Variants in NTNG1 observed in about 807,000 individuals in gnomAD.
The protein encoded by NTNG1 is netrin-G1.
Under a neutral mutation model 54.0 loss-of-function variants are expected in NTNG1, and 16 were observed. The observed-to-expected ratio is 0.30, with a 90% confidence interval of 0.20 to 0.45. NTNG1 has a LOEUF of 0.45. Among genes scored for constraint, NTNG1 ranks in the 20% least tolerant of loss-of-function variants. The pLI is 1.00. For missense variants in NTNG1, 530 were observed against 678.7 expected (o/e 0.78, Z 2.43); for synonymous variants, 255 against 263.1 (o/e 0.97, Z 0.30).
intron 3 of NTNG1, among the ~76,000 whole-genome samples, chr1:107,347,216 A>G (rs996017462): frequency 2.0e-5 from 3 of 152,162 alleles, no homozygotes; most frequent in Admixed American, 6.5e-5. Context: ...TAAAGTGAGA[A>G]TAATGACTGG....
At chr1:107,189,831 A>G (rs1373695966) in intron 2 of NTNG1, among the ~76,000 whole-genome samples, 18 of 151,002 alleles carry the variant, frequency 1.2e-4, no homozygotes, top group African/African-American at 4.4e-4. Context: ...AAAAAAAAAA[A>G]AGGGGGGGGC....
chr1:107,184,187 A>G (rs563064625), intron 2 of NTNG1, among the ~76,000 whole-genome samples: 2 of 152,126 alleles, frequency 1.3e-5, no homozygotes, highest in South Asian at 4.2e-4. Flanking sequence ...GGCTCTTTGG[A>G]TGCAGTTCTC....
At chr1:107,272,439 G>T (rs1368089345) in intron 2 of NTNG1, among the ~76,000 whole-genome samples, 5 of 152,064 alleles carry the variant, frequency 3.3e-5, no homozygotes, top group Non-Finnish European at 5.9e-5. Flanking sequence ...AGAATCCTTG[G>T]TGGTTAATAA....
At chr1:107,160,494 C>T (rs188790425) in intron 2 of NTNG1, among the ~76,000 whole-genome samples, 3 of 152,180 alleles carry the variant, frequency 2.0e-5, no homozygotes, top group Admixed American at 2.0e-4. Flanking sequence ...CTACTATCAA[C>T]ATCATTTATA....
chr1:107,210,096 T>G (rs895007321), intron 2 of NTNG1, among the ~76,000 whole-genome samples: 2 of 152,054 alleles, frequency 1.3e-5, no homozygotes, highest in Non-Finnish European at 2.9e-5. Context: ...GATGGAAACG[T>G]GAACAGTGAG....
chr1:107,222,091 C>T (rs1570893415), intron 2 of NTNG1, among the ~76,000 whole-genome samples: 1 of 151,898 alleles, frequency 6.6e-6, no homozygotes, highest in East Asian at 1.9e-4. Context: ...CACCACTTGG[C>T]CAACTCCTGC....
intron 7 of NTNG1, among the ~76,000 whole-genome samples, chr1:107,448,074 C>T (rs1676410061): frequency 2.6e-5 from 4 of 152,178 alleles, no homozygotes; most frequent in South Asian, 4.1e-4. Context: ...TCTAACAGTA[C>T]CTTCCTCTTG....
chr1:107,365,277 C>T (rs1670525812), intron 3 of NTNG1, among the ~76,000 whole-genome samples: 1 of 152,004 alleles, frequency 6.6e-6, no homozygotes, highest in African/African-American at 2.4e-5. Context: ...TTTTTTCACA[C>T]CATAACTCCA....
At chr1:107,259,350 T>G (rs1458737911) in intron 2 of NTNG1, among the ~76,000 whole-genome samples, 4 of 152,072 alleles carry the variant, frequency 2.6e-5, no homozygotes, top group Non-Finnish European at 5.9e-5. Context: ...CTCGGTGCTA[T>G]AAATAACAGG....
intron 2 of NTNG1, among the ~76,000 whole-genome samples, chr1:107,268,799 C>G (rs972033679): frequency 1.3e-5 from 2 of 152,200 alleles, no homozygotes; most frequent in African/African-American, 2.4e-5. Context: ...CAACTCCATT[C>G]TGCCAATTGC....
chr1:107,290,790 C>T (rs2101761755), intron 2 of NTNG1, among the ~76,000 whole-genome samples: 1 of 150,838 alleles, frequency 6.6e-6, no homozygotes, highest in African/African-American at 2.4e-5. Context: ...CCTGTTAATA[C>T]AATAATAATA....
chr1:107,376,627 C>A (rs1341694167), intron 3 of NTNG1, among the ~76,000 whole-genome samples: 2 of 152,092 alleles, frequency 1.3e-5, no homozygotes, highest in Admixed American at 1.3e-4. Flanking sequence ...TTTACACTGG[C>A]CCTGAATTTT....
intron 2 of NTNG1, among the ~76,000 whole-genome samples, chr1:107,235,670 C>G (rs1281412111): frequency 6.6e-6 from 1 of 152,124 alleles, no homozygotes; most frequent in Non-Finnish European, 1.5e-5. Flanking sequence ...AGACTTTATC[C>G]TCAGTTAAGG....
chr1:107,470,508 A>G (rs1192415235), intron 7 of NTNG1, among the ~76,000 whole-genome samples: 1 of 152,258 alleles, frequency 6.6e-6, no homozygotes, highest in African/African-American at 2.4e-5. Context: ...AGGTATGTGT[A>G]GAGTTACATG....
intron 2 of NTNG1, among the ~76,000 whole-genome samples, chr1:107,181,959 C>A (rs1029096936): frequency 6.6e-6 from 1 of 151,982 alleles, no homozygotes; most frequent in Non-Finnish European, 1.5e-5. Flanking sequence ...TCTCAATATT[C>A]CCCTGTTTTT....
At chr1:107,251,659 C>G (rs1570960815) in intron 2 of NTNG1, among the ~76,000 whole-genome samples, 1 of 152,158 alleles carries the variant, frequency 6.6e-6, no homozygotes, top group African/African-American at 2.4e-5. Context: ...TCAGACCAGT[C>G]TCCTACAACT....
intron 2 of NTNG1, among the ~76,000 whole-genome samples, chr1:107,289,507 A>G (rs896079938): frequency 6.6e-6 from 1 of 152,114 alleles, no homozygotes; most frequent in Non-Finnish European, 1.5e-5. Flanking sequence ...TTGGAATGTC[A>G]TTCCCACCTC....
intron 7 of NTNG1, among the ~76,000 whole-genome samples, chr1:107,445,389 T>G (rs896239992): frequency 2.0e-5 from 3 of 152,142 alleles, no homozygotes; most frequent in African/African-American, 7.2e-5. Flanking sequence ...TCAGTTTACA[T>G]ATGGACTTAT....
Position 107,436,686 on chromosome 1 carries a change from G to C in NTNG1, c.1277G>C (p.Gly426Ala). 6.2e-7 allele frequency: 1 copy of C among 1,613,454 alleles called. No individual in the cohort carries two copies. Among genetic ancestry groups the C allele is most frequent in the East Asian group, 2.2e-5 (1 of 44,806 alleles). The change falls in exon 7 of 8, where the codon GGC becomes GCC. Residue 426 changes from glycine to alanine, a missense_variant. Transcript: ENST00000370068. ...VCIECYCNPL[G>A]SIHDRCNGSG... ...ACAGAGTGTTATTGTAACCCTTTGG[G>C]CTCAATCCATGATCGTTGTAATGGC...
Sources: gnomAD v4.1 joint callset for allele counts (sites outside exome capture counted in the v4.1 genomes callset) on GRCh38, gnomAD v4.1.1 for gene constraint, MANE v1.5 for transcripts, NCBI Gene and HGNC (gene_info 2026-07-23, HGNC 2026-07-21) for gene names.